Variants in COG5 observed in about 807,000 individuals in gnomAD.
COG5 encodes the protein component of oligomeric golgi complex 5, also known as conserved oligomeric Golgi complex subunit 5.
In COG5, 86 loss-of-function variants were observed where a neutral mutation model predicts 110.4. The ratio of observed to expected loss-of-function variants is 0.78; its 90% CI spans 0.65 to 0.93. COG5 has a LOEUF of 0.93. Among genes scored for constraint, COG5 ranks in the 40% least tolerant of loss-of-function variants. The probability of loss-of-function intolerance (pLI) is 0.00; values close to 1 mark genes in which losing one functional copy is unlikely to be tolerated. For synonymous variants in COG5, 360 were observed against 334.6 expected, an observed-to-expected ratio of 1.08 and a Z score of -0.83; for missense variants, 1,077 against 987.0, an observed-to-expected ratio of 1.09 and a Z score of -1.22.
Position 107,541,523 on chromosome 7 carries a change from A to AAAAAATAT in COG5, c.417+6587_417+6588insATATTTTT, listed in dbSNP as rs60423657. ...AAAAAAAAAAAAAAAAAAAAAAAAA[A>AAAAAATAT]ATATATATATATATATATATGTATT... On this transcript the variant is annotated intron_variant, in intron 5 of 21. Coordinates refer to ENST00000297135, the MANE Select transcript of COG5 (RefSeq NM_006348.5). 5.6e-4 allele frequency among the ~76,000 whole-genome samples: 32 copies of AAAAAATAT among 57,012 alleles called. 1 individual carries two copies. Among genetic ancestry groups the AAAAAATAT allele is most frequent in the African/African-American group, 1.7e-3 (26 of 14,962 alleles). The allele number at this position is 57,012 out of a possible 152,430, so 37.4% of individuals were successfully genotyped here.
intron 7 of COG5, among the ~76,000 whole-genome samples, chr7:107,399,271 A>T (rs924310004): frequency 6.6e-6 from 1 of 152,204 alleles, no homozygotes; most frequent in African/African-American, 2.4e-5. Flanking sequence ...AGTGCATGAT[A>T]ACAGAAAAAA....
chr7:107,275,289 TAA>T (rs34102814), intron 14 of COG5, among the ~76,000 whole-genome samples: 17 of 137,976 alleles, frequency 1.2e-4, no homozygotes, highest in Admixed American at 7.3e-5. Context: ...CCCCATCTCT[TAA>T]AAAAAAAAAA....
At position 107,258,319 on chromosome 7, in the gene COG5, A is replaced by C; in HGVS notation, c.1640T>G (p.Val547Gly). Residue 547 changes from valine to glycine, a missense_variant, in exon 15 of 22, where the codon GTG becomes GGG. Physicochemically the swap from Val to Gly is moderately radical, Grantham distance 109. Transcript: ENST00000297135. ...CTTATACAATGAATTCACTACTGCC[A>C]CATTTCTTCTCTGTCCTTCAGTAAG... ...GPLTEGQRRN[V>G]AVVNSLYKLH... 3.1e-6 allele frequency: 5 copies of C among 1,613,358 alleles called. No homozygotes were observed. Among genetic ancestry groups the C allele is most frequent in the Non-Finnish European group, 4.2e-6 (5 of 1,179,386 alleles).
At chr7:107,290,297 C>G (rs1372302055) in intron 12 of COG5, among the ~76,000 whole-genome samples, 1 of 152,142 alleles carries the variant, frequency 6.6e-6, no homozygotes, top group African/African-American at 2.4e-5. Flanking sequence ...CCTCAAAACC[C>G]TCTTTGGAAA....
At chr7:107,500,555 G>C (rs1033990532) in intron 6 of COG5, among the ~76,000 whole-genome samples, 2 of 152,070 alleles carry the variant, frequency 1.3e-5, no homozygotes, top group Non-Finnish European at 2.9e-5. Context: ...TTGGATTTTA[G>C]AGAATGGTTT....
chr7:107,413,802 C>T (rs1792492367), intron 6 of COG5, among the ~76,000 whole-genome samples: 1 of 152,116 alleles, frequency 6.6e-6, no homozygotes, highest in Non-Finnish European at 1.5e-5. Context: ...ATACATTAAG[C>T]TAGACGCAAA....
intron 6 of COG5, among the ~76,000 whole-genome samples, chr7:107,473,856 C>T (rs1360648741): frequency 6.6e-6 from 1 of 151,900 alleles, no homozygotes; most frequent in African/African-American, 2.4e-5. Flanking sequence ...ACACAATTTT[C>T]TTTTATATCA....
At chr7:107,259,291 G>C (rs1351856470) in intron 14 of COG5, among the ~76,000 whole-genome samples, 1 of 152,118 alleles carries the variant, frequency 6.6e-6, no homozygotes, top group Non-Finnish European at 1.5e-5. Context: ...CTTTCCTCAT[G>C]GACAAAGATA....
chr7:107,383,573 G>A (rs192547562), intron 7 of COG5, among the ~76,000 whole-genome samples: 80 of 152,186 alleles, frequency 5.3e-4, no homozygotes, highest in African/African-American at 1.8e-3. Context: ...CTGCTTTTGC[G>A]GTGCCTGCCA....
At chr7:107,346,107 G>T (rs1244153708) in intron 10 of COG5, among the ~76,000 whole-genome samples, 1 of 152,126 alleles carries the variant, frequency 6.6e-6, no homozygotes, top group African/African-American at 2.4e-5. Flanking sequence ...TTGAGGAAGT[G>T]AAAAATTCAT....
intron 12 of COG5, among the ~76,000 whole-genome samples, chr7:107,291,519 A>G (rs894285094): frequency 6.6e-6 from 1 of 152,192 alleles, no homozygotes; most frequent in African/African-American, 2.4e-5. Flanking sequence ...CACAGTCTTA[A>G]ATCTCTGATG....
At chr7:107,301,020 G>C (rs911730756) in intron 11 of COG5, among the ~76,000 whole-genome samples, 1 of 152,116 alleles carries the variant, frequency 6.6e-6, no homozygotes, top group Non-Finnish European at 1.5e-5. Flanking sequence ...ACTGAATTTT[G>C]ACAAAGGTGC....
intron 21 of COG5, among the ~76,000 whole-genome samples, chr7:107,205,037 C>T (rs79978998): frequency 0.16 from 23,784 of 152,232 alleles, 2,313 homozygotes; most frequent in Non-Finnish European, 0.21. Flanking sequence ...CTCTCCCCTT[C>T]GCTTCACTTT....
intron 11 of COG5, among the ~76,000 whole-genome samples, chr7:107,319,863 T>C (rs1809100642): frequency 6.6e-6 from 1 of 152,112 alleles, no homozygotes; most frequent in Non-Finnish European, 1.5e-5. Flanking sequence ...CAGAAGGCCA[T>C]GGCAGCAGGG....
At chr7:107,247,199 C>CACAAAGA (rs1802122619) in intron 17 of COG5, among the ~76,000 whole-genome samples, 1 of 152,052 alleles carries the variant, frequency 6.6e-6, no homozygotes, top group African/African-American at 2.4e-5. Context: ...AAGGAAACAA[C>CACAAAGA]AGACACTGGG....
chr7:107,232,353 G>A (rs1393737850), intron 18 of COG5, among the ~76,000 whole-genome samples: 1 of 151,992 alleles, frequency 6.6e-6, no homozygotes, highest in East Asian at 1.9e-4. Context: ...GAGCACAAAG[G>A]AAAAATGTGA....
intron 10 of COG5, among the ~76,000 whole-genome samples, chr7:107,351,810 A>C (rs1437374224): frequency 1.3e-5 from 2 of 149,998 alleles, no homozygotes; most frequent in Non-Finnish European, 3.0e-5. Context: ...GTCAGGAAAC[A>C]ACAGGTGCTG....
At chr7:107,434,206 T>G (rs2129081878) in intron 6 of COG5, among the ~76,000 whole-genome samples, 1 of 152,314 alleles carries the variant, frequency 6.6e-6, no homozygotes, top group East Asian at 1.9e-4. Context: ...GGAACCTTTG[T>G]GCATTGTGTC....
At chr7:107,490,106 G>T in intron 6 of COG5, among the ~76,000 whole-genome samples, 1 of 152,052 alleles carries the variant, frequency 6.6e-6, no homozygotes, top group East Asian at 1.9e-4. Context: ...TTTTTAAAAG[G>T]AATGATTATG....
Sources: gnomAD v4.1 joint callset for allele counts (sites outside exome capture counted in the v4.1 genomes callset) on GRCh38, gnomAD v4.1.1 for gene constraint, MANE v1.5 for transcripts, NCBI Gene and HGNC (gene_info 2026-07-23, HGNC 2026-07-21) for gene names.